The following RBFOX1 variants were observed in gnomAD, a reference collection of about 807,000 sequenced individuals.
RBFOX1 encodes RNA binding fox-1 homolog 1.
Under a neutral mutation model 57.7 loss-of-function variants are expected in RBFOX1, and 8 were observed. That is an observed-to-expected ratio of 0.14 (90% CI 0.08 to 0.25). The LOEUF (loss-of-function observed/expected upper bound fraction) is 0.25. Among genes scored for constraint, RBFOX1 ranks in the 10% least tolerant of loss-of-function variants. The pLI is 1.00. For missense variants in RBFOX1, 611 were observed against 548.5 expected (o/e 1.11, Z -1.14); for synonymous variants, 326 against 222.4 (o/e 1.47, Z -4.15).
chr16:5,588,904 T>A (rs540894837), intron 2 of RBFOX1, among the ~76,000 whole-genome samples: 1 of 152,222 alleles, frequency 6.6e-6, no homozygotes, highest in South Asian at 2.1e-4. Flanking sequence ...GGTGGTTGAT[T>A]GGATGCACAG....
rs142196891 is a variant in RBFOX1 at position 7,217,273 on chromosome 16, C to CT, written c.27+165184dup. ...CGTTCCACCACAGCTGGCTAATTAT[C>CT]TTTTTTTTTCTTATTCTTCTTTTTT... On this transcript the variant is annotated intron_variant, in intron 4 of 15. Coordinates refer to ENST00000550418, the MANE Select transcript of RBFOX1 (RefSeq NM_018723.4). 4.6e-4 allele frequency among the ~76,000 whole-genome samples: 59 copies of CT among 127,578 alleles called. 2 individuals carry two copies. The highest frequency in any genetic ancestry group is 3.9e-3 in the Middle Eastern group (1 of 258). The allele number at this position is 127,578 out of a possible 152,430, so 83.7% of individuals were successfully genotyped here.
At chr16:6,799,210 G>A (rs1392760384) in intron 3 of RBFOX1, among the ~76,000 whole-genome samples, 4 of 152,024 alleles carry the variant, frequency 2.6e-5, no homozygotes, top group African/African-American at 9.7e-5. Flanking sequence ...AGTTTACTAG[G>A]GGAAACCGTG....
At chr16:5,786,631 A>C (rs2054509120) in intron 3 of RBFOX1, among the ~76,000 whole-genome samples, 1 of 152,098 alleles carries the variant, frequency 6.6e-6, no homozygotes, top group African/African-American at 2.4e-5. Context: ...AGTGAGGTTC[A>C]TTCTCCTTAG....
chr16:5,239,916 C>G, exon 1 of RBFOX1: 1 of 1,510,734 alleles, frequency 6.6e-7, no homozygotes, highest in South Asian at 1.2e-5. Context: ...GCTCCGAAGC[C>G]ACTGGCAAGC....
intron 11 of RBFOX1, among the ~76,000 whole-genome samples, chr16:7,643,619 GCTCA>G (rs770944929): frequency 4.6e-5 from 7 of 152,140 alleles, no homozygotes; most frequent in Non-Finnish European, 8.8e-5. Flanking sequence ...GTACAAACCT[GCTCA>G]CTAACTCTAC....
chr16:5,907,794 A>C (rs2058498803), intron 4 of RBFOX1, among the ~76,000 whole-genome samples: 1 of 151,820 alleles, frequency 6.6e-6, no homozygotes, highest in African/African-American at 2.4e-5. Flanking sequence ...TCTATTGCCC[A>C]GGCTGGAGTG....
At chr16:7,027,305 A>G (rs879605996) in intron 3 of RBFOX1, among the ~76,000 whole-genome samples, 3 of 152,208 alleles carry the variant, frequency 2.0e-5, no homozygotes, top group Non-Finnish European at 4.4e-5. Flanking sequence ...AATTACATCT[A>G]TTTTATTTAA....
At chr16:6,992,628 G>A (rs2091673358) in intron 3 of RBFOX1, among the ~76,000 whole-genome samples, 1 of 152,068 alleles carries the variant, frequency 6.6e-6, no homozygotes, top group Non-Finnish European at 1.5e-5. Flanking sequence ...AACTAGGTAA[G>A]AAGGCAGTTA....
chr16:7,280,669 T>C (rs958121742), intron 4 of RBFOX1, among the ~76,000 whole-genome samples: 10 of 152,130 alleles, frequency 6.6e-5, no homozygotes, highest in African/African-American at 1.9e-4. Flanking sequence ...CTAGAACATA[T>C]TTCTCAAGAG....
At chr16:5,567,439 C>T (rs917490867) in intron 2 of RBFOX1, among the ~76,000 whole-genome samples, 37 of 151,966 alleles carry the variant, frequency 2.4e-4, no homozygotes, top group African/African-American at 8.7e-4. Context: ...GATGAGTAGC[C>T]GTATAATCTC....
chr16:6,390,080 C>T (rs1231618556), intron 2 of RBFOX1, among the ~76,000 whole-genome samples: 1 of 152,140 alleles, frequency 6.6e-6, no homozygotes, highest in Non-Finnish European at 1.5e-5. Context: ...GAGAGAAGTC[C>T]CAGCTGAAAG....
At chr16:6,698,317 A>G (rs1021653290) in intron 3 of RBFOX1, among the ~76,000 whole-genome samples, 3 of 152,172 alleles carry the variant, frequency 2.0e-5, no homozygotes, top group Admixed American at 6.5e-5. Flanking sequence ...TTTTTCTAAG[A>G]TATATGAGGA....
At chr16:6,710,875 A>G (rs1170373108) in intron 3 of RBFOX1, among the ~76,000 whole-genome samples, 1 of 152,202 alleles carries the variant, frequency 6.6e-6, no homozygotes, top group Admixed American at 6.5e-5. Flanking sequence ...GACAGGCTTC[A>G]TTTGTGCCAA....
At chr16:6,363,993 A>T (rs987043576) in intron 2 of RBFOX1, among the ~76,000 whole-genome samples, 1 of 152,222 alleles carries the variant, frequency 6.6e-6, no homozygotes, top group Non-Finnish European at 1.5e-5. Flanking sequence ...AAATAAGCTT[A>T]TCCCTCCAAG....
intron 1 of RBFOX1, among the ~76,000 whole-genome samples, chr16:6,208,812 G>A (rs1426955916): frequency 1.3e-5 from 2 of 152,162 alleles, no homozygotes; most frequent in African/African-American, 4.8e-5. Context: ...TTGATGTGAA[G>A]TAGTGGCTTC....
intron 14 of RBFOX1, among the ~76,000 whole-genome samples, chr16:7,683,033 T>TATATATAA (rs374375329): frequency 1.0e-3 from 27 of 25,822 alleles, no homozygotes; most frequent in Non-Finnish European, 1.9e-3. Flanking sequence ...TATATATATA[T>TATATATAA]AAAACAGTGC....
chr16:5,653,634 C>G (rs1387016211), intron 3 of RBFOX1, among the ~76,000 whole-genome samples: 1 of 152,186 alleles, frequency 6.6e-6, no homozygotes, highest in Non-Finnish European at 1.5e-5. Flanking sequence ...GAAGCCTGTT[C>G]TGCCGCATGT....
At chr16:7,637,936 A>C (rs2143007881) in intron 11 of RBFOX1, among the ~76,000 whole-genome samples, 1 of 152,364 alleles carries the variant, frequency 6.6e-6, no homozygotes, top group Non-Finnish European at 1.5e-5. Flanking sequence ...AGACAGAATA[A>C]GTTTTATTCC....
At chr16:6,040,553 T>C (rs1031972762) in intron 1 of RBFOX1, among the ~76,000 whole-genome samples, 1 of 144,656 alleles carries the variant, frequency 6.9e-6, no homozygotes, top group East Asian at 1.9e-4. Flanking sequence ...TTAATCATTC[T>C]TTCTTTCTTT....
Sources: allele counts gnomAD v4.1 joint callset (sites outside exome capture counted in the v4.1 genomes callset), GRCh38; gene constraint gnomAD v4.1.1; transcripts MANE v1.5; gene names NCBI Gene and HGNC (gene_info 2026-07-23, HGNC 2026-07-21).